Variants in SLC9A9 observed in about 807,000 individuals in gnomAD.
SLC9A9 encodes solute carrier family 9 member A9.
Under a neutral mutation model 77.8 loss-of-function variants are expected in SLC9A9, and 62 were observed. The observed-to-expected ratio is 0.80, with a 90% confidence interval of 0.65 to 0.98. The LOEUF is 0.98. SLC9A9 is among the 50% of genes least tolerant of loss of function. SLC9A9 has a pLI of 0.00. For synonymous variants in SLC9A9, 320 were observed against 283.5 expected, an observed-to-expected ratio of 1.13 and a Z score of -1.29; for missense variants, 775 against 774.9, an observed-to-expected ratio of 1.00 and a Z score of 0.00.
In SLC9A9 at chr3:143,477,341, TTTTTTTC is replaced by T. The variant is rs1465782613; in HGVS notation, c.1316-10158_1316-10152del. Among the ~76,000 whole-genome samples the T allele has an allele frequency of 2.1e-3, 304 of 144,082 alleles. 4 individuals are homozygous for T. The highest frequency in any genetic ancestry group is 7.4e-3 in the African/African-American group (279 of 37,850). The allele number at this position is 144,082 out of a possible 152,430, so 94.5% of individuals were successfully genotyped here. ...GAAGGGCTTCTTCAATTTTTTTTTT[TTTTTTTC>T]CCCCTCCCCCCGCCGCCCCCTCCCG... On this transcript the variant is annotated intron_variant, in intron 11 of 15. Transcript: ENST00000316549.
intron 2 of SLC9A9, among the ~76,000 whole-genome samples, chr3:143,826,843 C>G (rs1026187430): frequency 2.0e-5 from 3 of 152,148 alleles, no homozygotes; most frequent in African/African-American, 4.8e-5. Flanking sequence ...TCTTAGAAAT[C>G]TTTCCTATTA....
chr3:143,551,123 C>G (rs1336523124), intron 9 of SLC9A9, among the ~76,000 whole-genome samples: 2 of 152,144 alleles, frequency 1.3e-5, no homozygotes, highest in Non-Finnish European at 2.9e-5. Context: ...TACATGAACA[C>G]TAAGGCAGAG....
At chr3:143,589,581 G>T (rs1050496037) in intron 6 of SLC9A9, among the ~76,000 whole-genome samples, 5 of 152,166 alleles carry the variant, frequency 3.3e-5, no homozygotes, top group African/African-American at 1.2e-4. Context: ...TAGCTGTGTA[G>T]TAGGTTATAC....
intron 12 of SLC9A9, among the ~76,000 whole-genome samples, chr3:143,434,104 A>AC: frequency 6.6e-6 from 1 of 152,022 alleles, no homozygotes; most frequent in East Asian, 1.9e-4. Context: ...GTATAATAAT[A>AC]CCCCCCAAAC....
intron 9 of SLC9A9, among the ~76,000 whole-genome samples, chr3:143,543,582 A>G (rs1208708084): frequency 6.6e-6 from 1 of 151,980 alleles, no homozygotes; most frequent in Non-Finnish European, 1.5e-5. Flanking sequence ...TACTGTTGCC[A>G]TCTTTATGTC....
intron 4 of SLC9A9, among the ~76,000 whole-genome samples, chr3:143,781,833 TA>T (rs1197253233): frequency 2.6e-5 from 4 of 152,222 alleles, no homozygotes; most frequent in Non-Finnish European, 5.9e-5. Flanking sequence ...TCTTTACAGC[TA>T]CCTCTCATGG....
intron 14 of SLC9A9, among the ~76,000 whole-genome samples, chr3:143,330,554 T>C (rs2031737894): frequency 6.6e-6 from 1 of 152,168 alleles, no homozygotes; most frequent in African/African-American, 2.4e-5. Flanking sequence ...TGGCAAATAT[T>C]TTAGGGCATG....
At chr3:143,428,174 C>T (rs2034440311) in intron 12 of SLC9A9, among the ~76,000 whole-genome samples, 1 of 152,036 alleles carries the variant, frequency 6.6e-6, no homozygotes, top group African/African-American at 2.4e-5. Context: ...GCAAACTATA[C>T]ATCTGACAAG....
intron 9 of SLC9A9, among the ~76,000 whole-genome samples, chr3:143,552,048 G>A (rs1380375824): frequency 6.6e-6 from 1 of 152,032 alleles, no homozygotes; most frequent in East Asian, 1.9e-4. Flanking sequence ...AATCTCACAT[G>A]CCTTATAATG....
intron 6 of SLC9A9, among the ~76,000 whole-genome samples, chr3:143,614,878 T>A (rs1289719687): frequency 6.6e-6 from 1 of 152,214 alleles, no homozygotes; most frequent in Admixed American, 6.5e-5. Flanking sequence ...CTTAAGTCCA[T>A]GTATTGAAAT....
intron 9 of SLC9A9, among the ~76,000 whole-genome samples, chr3:143,509,151 TAAG>T (rs2036074520): frequency 6.6e-6 from 1 of 152,134 alleles, no homozygotes; most frequent in Non-Finnish European, 1.5e-5. Flanking sequence ...TGGGACATGA[TAAG>T]AAATTGGAGA....
At chr3:143,828,353 A>G (rs574443618) in intron 2 of SLC9A9, among the ~76,000 whole-genome samples, 2 of 152,238 alleles carry the variant, frequency 1.3e-5, no homozygotes, top group Non-Finnish European at 2.9e-5. Context: ...ATTGTTTAGC[A>G]GCTATTAGGC....
At chr3:143,773,186 T>G (rs1238301256) in intron 4 of SLC9A9, among the ~76,000 whole-genome samples, 3 of 152,154 alleles carry the variant, frequency 2.0e-5, no homozygotes. Flanking sequence ...AGTGGCTTTT[T>G]GGGGGGAAAA....
At chr3:143,711,623 C>T (rs2108796726) in intron 4 of SLC9A9, among the ~76,000 whole-genome samples, 1 of 151,156 alleles carries the variant, frequency 6.6e-6, no homozygotes, top group African/African-American at 2.4e-5. Context: ...AGCATCTTGC[C>T]CAGGTTGGTC....
intron 14 of SLC9A9, among the ~76,000 whole-genome samples, chr3:143,356,119 T>C (rs1215200992): frequency 6.6e-6 from 1 of 152,198 alleles, no homozygotes; most frequent in Admixed American, 6.5e-5. Context: ...GGGAATCCAT[T>C]GTGCCTAGGT....
chr3:143,313,885 A>G (rs572463516), intron 14 of SLC9A9, among the ~76,000 whole-genome samples: 8 of 152,252 alleles, frequency 5.3e-5, no homozygotes, highest in African/African-American at 9.6e-5. Context: ...TTTCACCTCA[A>G]TTTCACAATG....
rs1419073164 is a variant in SLC9A9 at position 143,265,676 on chromosome 3, T to C, written c.*1026A>G. ...ATGTTGGTCTCTGGAATGCAGGCCA[T>C]GAGCCACGCCTTGTAAGGGGGAGAC... On this transcript the variant is annotated 3_prime_UTR_variant, in exon 16 of 16. Transcript: ENST00000316549. The C allele has an allele frequency of 2.0e-5, 8 of 403,652 alleles. No individual in the cohort carries two copies. The highest frequency in any genetic ancestry group is 3.0e-5 in the Non-Finnish European group (7 of 230,000). 25.0% of individuals were successfully genotyped at this position (403,652 alleles called of 1,614,324 possible).
At chr3:143,363,691 T>C (rs1291987824) in intron 13 of SLC9A9, 128 bp from the exon 14 acceptor site, 2 of 793,914 alleles carry the variant, frequency 2.5e-6, no homozygotes, top group Non-Finnish European at 4.0e-6. Context: ...GGCATTTTCA[T>C]CTAAATGGTG....
Position 143,799,006 on chromosome 3 carries a change from C to T in SLC9A9, c.379-2103G>A, listed in dbSNP as rs545096147. On this transcript the variant is annotated intron_variant, in intron 2 of 15. Transcript: ENST00000316549. ...CACCCTATAATCCTTTTATCACCTC[C>T]CCTCCTCACACCTGGTCTGGCTTAC... Among the ~76,000 whole-genome samples the T allele has an allele frequency of 5.3e-5, 8 of 152,316 alleles. No individual in the cohort carries two copies. In the South Asian group the frequency reaches 1.7e-3, roughly 32 times the overall value.
Sources: gnomAD v4.1 joint callset for allele counts (sites outside exome capture counted in the v4.1 genomes callset) on GRCh38, gnomAD v4.1.1 for gene constraint, MANE v1.5 for transcripts, NCBI Gene and HGNC (gene_info 2026-07-23, HGNC 2026-07-21) for gene names.